APOOL: variants seen among roughly 807,000 people sequenced by gnomAD.
APOOL encodes the protein MICOS complex subunit MIC27.
A neutral mutation model predicts 23.1 loss-of-function variants in APOOL; 12 were observed. The ratio of observed to expected loss-of-function variants is 0.52; its 90% CI spans 0.33 to 0.84. The LOEUF is 0.84. APOOL is among the 40% of genes least tolerant of loss of function. The probability of loss-of-function intolerance (pLI) is 0.02; values close to 1 mark genes in which losing one functional copy is unlikely to be tolerated. For missense variants in APOOL, 212 were observed against 199.6 expected, an observed-to-expected ratio of 1.06 and a Z score of -0.37; for synonymous variants, 77 against 69.9, an observed-to-expected ratio of 1.10 and a Z score of -0.51.
chrX:85,054,656 A>T (rs953829985), intron 4 of APOOL, among the ~76,000 whole-genome samples: 3 of 110,981 alleles, frequency 2.7e-5, no homozygotes, highest in Non-Finnish European at 3.8e-5. Flanking sequence ...TGTCACAATT[A>T]TGTTAGTATT....
At chrX:85,052,702 C>G (rs1295208012) in intron 3 of APOOL, among the ~76,000 whole-genome samples, 2 of 111,424 alleles carry the variant, frequency 1.8e-5, no homozygotes, top group Admixed American at 9.6e-5. Context: ...TCTTATGGTA[C>G]TAGTTGTACT....
At chrX:85,069,712 T>C (rs1230445126) in intron 6 of APOOL, among the ~76,000 whole-genome samples, 2 of 110,189 alleles carry the variant, frequency 1.8e-5, no homozygotes, top group Non-Finnish European at 3.8e-5. Context: ...CTATAACATC[T>C]TTCCAACAGT....
Position 85,051,485 on chromosome X carries a change from G to A in APOOL, c.217G>A (p.Gly73Ser), listed in dbSNP as rs777863001. ...MGFASIRTAT[G>S]CYIGWCKGVY... is the part of the protein sequence containing the mutation. ...CTTTGCTTCCATCCGCACTGCAACT[G>A]GTTGTTACATTGGCTGGTGCAAGGT... is the stretch of plus-strand genomic sequence containing the variant. The change falls in exon 3 of 9, where the codon GGT becomes AGT. Residue 73 changes from glycine to serine, a missense_variant. Physicochemically the swap from Gly to Ser is moderately conservative, Grantham distance 56 (BLOSUM62 0). Transcript: ENST00000373173. 1.6e-5 allele frequency: 19 copies of A among 1,209,489 alleles called. No homozygotes were observed. The South Asian group carries it at 2.6e-4, about 17-fold the overall frequency.
chrX:85,018,476 C>T (rs1173711471), intron 1 of APOOL, among the ~76,000 whole-genome samples: 1 of 111,866 alleles, frequency 8.9e-6, no homozygotes, highest in Admixed American at 9.5e-5. Context: ...CCGGGCCCCA[C>T]CTTCAAATTT....
At chrX:85,087,506 T>C (rs1924355228) in intron 8 of APOOL, 84 bp from the exon 9 acceptor site, 1 of 812,048 alleles carries the variant, frequency 1.2e-6, no homozygotes, top group African/African-American at 2.1e-5. Context: ...GATTTTTATC[T>C]GGTTTGTTCG....
At chrX:85,065,320 G>C (rs1034664304) in intron 5 of APOOL, among the ~76,000 whole-genome samples, 1 of 111,652 alleles carries the variant, frequency 9.0e-6, no homozygotes. Context: ...AATGGGTCTT[G>C]TCTTTTTGTC....
intron 2 of APOOL, among the ~76,000 whole-genome samples, chrX:85,050,016 C>T (rs1429639916): frequency 9.0e-6 from 1 of 111,392 alleles, no homozygotes; most frequent in Non-Finnish European, 1.9e-5. Flanking sequence ...TGCCTATTTG[C>T]AGTGCACCTG....
intron 1 of APOOL, among the ~76,000 whole-genome samples, chrX:85,031,987 G>A (rs1479376040): frequency 9.0e-6 from 1 of 111,617 alleles, no homozygotes; most frequent in Non-Finnish European, 1.9e-5. Context: ...CCACCAGGGA[G>A]ATACAGCCTA....
At position 85,055,913 on chromosome X, in the gene APOOL, T is replaced by C; in HGVS notation, c.382T>C (p.Ser128Pro). 1.7e-6 allele frequency: 2 copies of C among 1,191,866 alleles called. No individual in the cohort carries two copies. The highest frequency in any genetic ancestry group is 1.1e-6 in the Non-Finnish European group (1 of 885,453). The change falls in exon 5 of 9, where the codon TCA becomes CCA. Residue 128 changes from serine (S) to proline (P), a missense_variant. Ser to Pro is a moderately conservative substitution (Grantham distance 74). Transcript: ENST00000373173. ...ITVSGLAGLVSARKGSKFKKI... is the reference protein window; with the variant it reads ...ITVSGLAGLVPARKGSKFKKI... Reference sequence around the variant, plus strand: ...AGTTTCAGGATTGGCGGGCTTGGTTTCAGCGAGAAAAGGTAGGGTTTTAAA... The same window carrying C: ...AGTTTCAGGATTGGCGGGCTTGGTTCCAGCGAGAAAAGGTAGGGTTTTAAA...
intron 6 of APOOL, 86 bp from the exon 7 acceptor site, chrX:85,073,912 A>C: frequency 1.6e-6 from 1 of 622,078 alleles, no homozygotes; most frequent in South Asian, 3.5e-5. Context: ...TTGAGTGTTC[A>C]TATAAAATAC....
chrX:85,012,960 A>G (rs912555976), intron 1 of APOOL, among the ~76,000 whole-genome samples: 3 of 111,939 alleles, frequency 2.7e-5, no homozygotes, highest in South Asian at 3.7e-4. Flanking sequence ...TTAGCTGTGA[A>G]TCCATCTGGT....
intron 1 of APOOL, among the ~76,000 whole-genome samples, chrX:85,020,691 C>T (rs1378475474): frequency 5.4e-5 from 6 of 111,699 alleles, no homozygotes; most frequent in Non-Finnish European, 1.1e-4. Flanking sequence ...CTCTCGGCTA[C>T]CCCCAGCACC....
At chrX:85,075,080 A>C (rs1414927861) in intron 8 of APOOL, among the ~76,000 whole-genome samples, 1 of 110,835 alleles carries the variant, frequency 9.0e-6, no homozygotes, top group Admixed American at 9.8e-5. Flanking sequence ...ATACCTATAT[A>C]GATATCTATA....
intron 5 of APOOL, among the ~76,000 whole-genome samples, chrX:85,062,701 A>G (rs190884813): frequency 8.2e-5 from 9 of 110,189 alleles, no homozygotes; most frequent in African/African-American, 3.0e-4. Flanking sequence ...TTAGTTCTCT[A>G]TTCTGCTCCA....
chrX:85,071,232 G>A (rs1199491431), intron 6 of APOOL, among the ~76,000 whole-genome samples: 1 of 110,467 alleles, frequency 9.1e-6, no homozygotes, highest in African/African-American at 3.3e-5. Flanking sequence ...AAAAGCTCTG[G>A]ATTTGAATGG....
chrX:85,046,432 T>G lies in APOOL; in HGVS notation c.16-14T>G. On this transcript the variant is annotated splice_polypyrimidine_tract_variant and intron_variant, in intron 1 of 8. Coordinates refer to ENST00000373173, the MANE Select transcript of APOOL (RefSeq NM_198450.6). Reference sequence around the variant, plus strand: ...TTTTCAACTAAAAAGATGTTTTTGATATATCTTTCTTAGATGGGAAAACTG... The same window carrying G: ...TTTTCAACTAAAAAGATGTTTTTGAGATATCTTTCTTAGATGGGAAAACTG... 2 of 1,169,981 alleles carry G rather than the reference T, an allele frequency of 1.7e-6. No homozygotes were observed. Among genetic ancestry groups the G allele is most frequent in the Non-Finnish European group, 2.3e-6 (2 of 866,448 alleles).
At chrX:85,040,862 AT>A (rs1922380608) in intron 1 of APOOL, among the ~76,000 whole-genome samples, 1 of 111,688 alleles carries the variant, frequency 9.0e-6, no homozygotes, top group African/African-American at 3.3e-5. Context: ...TCCTATCTAT[AT>A]TCTAAACCTT....
At chrX:85,065,396 A>T (rs945553999) in intron 5 of APOOL, among the ~76,000 whole-genome samples, 1 of 111,489 alleles carries the variant, frequency 9.0e-6, no homozygotes, top group Non-Finnish European at 1.9e-5. Flanking sequence ...TAATATTGTT[A>T]TGTGTGAATT....
intron 5 of APOOL, among the ~76,000 whole-genome samples, chrX:85,062,450 A>T (rs754511628): frequency 9.0e-6 from 1 of 111,459 alleles, no homozygotes; most frequent in Non-Finnish European, 1.9e-5. Context: ...GCCCATGCCT[A>T]TGTCTGAATG....
Sources: allele counts gnomAD v4.1 joint callset (sites outside exome capture counted in the v4.1 genomes callset), GRCh38; gene constraint gnomAD v4.1.1; transcripts MANE v1.5; gene names NCBI Gene and HGNC (gene_info 2026-07-23, HGNC 2026-07-21).